Variants in TTLL6 observed in about 807,000 individuals in gnomAD.
The protein encoded by TTLL6 is tubulin tyrosine ligase like 6, also known as tubulin polyglutamylase TTLL6.
Under a neutral mutation model 96.4 loss-of-function variants are expected in TTLL6, and 75 were observed. That is an observed-to-expected ratio of 0.78 (90% confidence interval 0.65 to 0.94). TTLL6 has a LOEUF of 0.94. TTLL6 is among the 40% of genes least tolerant of loss of function. TTLL6 has a pLI of 0.00. For missense variants in TTLL6, 1,030 were observed against 1,093.0 expected (o/e 0.94, Z 0.81); for synonymous variants, 411 against 419.4 (o/e 0.98, Z 0.24).
chr17:48,763,678 A>C (rs1378082652), intron 15 of TTLL6, among the ~76,000 whole-genome samples: 1 of 152,182 alleles, frequency 6.6e-6, no homozygotes, highest in Admixed American at 6.6e-5. Flanking sequence ...GCACACCTGC[A>C]GTCTCAGCTA....
chr17:48,772,527 C>T (rs2038768362), intron 13 of TTLL6, among the ~76,000 whole-genome samples: 1 of 151,902 alleles, frequency 6.6e-6, no homozygotes, highest in South Asian at 2.1e-4. Context: ...GTCAAGAGAT[C>T]GAGACCATCC....
chr17:48,809,222 T>C (rs1006534640), intron 1 of TTLL6, among the ~76,000 whole-genome samples: 1 of 152,154 alleles, frequency 6.6e-6, no homozygotes, highest in African/African-American at 2.4e-5. Context: ...GAGGAAGAGA[T>C]GTGCTCAGGA....
intron 1 of TTLL6, among the ~76,000 whole-genome samples, chr17:48,814,519 A>G (rs2039638602): frequency 6.6e-6 from 1 of 152,098 alleles, no homozygotes; most frequent in African/African-American, 2.4e-5. Context: ...CCATTTTAGT[A>G]TAGGGTTTGA....
chr17:48,805,404 A>G (rs892918954), intron 1 of TTLL6, among the ~76,000 whole-genome samples: 10 of 152,166 alleles, frequency 6.6e-5, no homozygotes, highest in East Asian at 1.9e-4. Context: ...CTGTTTCAGC[A>G]CTGCACTGAA....
At position 48,764,362 on chromosome 17, in the gene TTLL6, G is replaced by A. The variant is rs547872745; in HGVS notation, c.*1-1389C>T. ...AGTTCATGGCCAGATGGTAGAGAAG[G>A]AAACATAGAGCTGTTTGTCCAGTCC... On this transcript the variant is annotated intron_variant, in intron 15 of 15. Coordinates refer to ENST00000393382, the MANE Select transcript of TTLL6 (RefSeq NM_001130918.3). Among the ~76,000 whole-genome samples the A allele has an allele frequency of 1.1e-4, 17 of 152,334 alleles. No individual in the cohort carries two copies. The East Asian group carries it at 2.5e-3, about 22-fold the overall frequency.
rs183722420 is a variant in TTLL6, at chr17:48,788,131, C to T, written c.1401-132G>A. The T allele has an allele frequency of 2.7e-4, 215 of 785,880 alleles. 1 individual carries two copies. In the East Asian group the frequency reaches 5.0e-3, roughly 18 times the overall value. 48.7% of individuals were successfully genotyped at this position (785,880 alleles called of 1,614,324 possible). A position where few individuals can be genotyped will look rare whatever the true frequency, so the allele number is the denominator to read the frequency against. ...CATAATGGCGGTCAATCAGGATTTGCTAAATAAATGCATGACTGTTTCCCT... is the reference window on the plus strand; with the variant it reads ...CATAATGGCGGTCAATCAGGATTTGTTAAATAAATGCATGACTGTTTCCCT... On this transcript the variant is annotated intron_variant, in intron 10 of 15. Coordinates refer to ENST00000393382, the MANE Select transcript of TTLL6 (RefSeq NM_001130918.3).
intron 1 of TTLL6, among the ~76,000 whole-genome samples, chr17:48,813,262 A>C (rs1170515767): frequency 6.6e-6 from 1 of 152,172 alleles, no homozygotes; most frequent in East Asian, 1.9e-4. Context: ...TAGTCTCTTA[A>C]GAGTCAGTTG....
At chr17:48,779,638 C>T (rs1277823845) in intron 13 of TTLL6, among the ~76,000 whole-genome samples, 1 of 151,976 alleles carries the variant, frequency 6.6e-6, no homozygotes, top group Admixed American at 6.6e-5. Context: ...AAATAAACAA[C>T]CAAACAAACA....
Position 48,817,015 on chromosome 17 carries a change from A to G in TTLL6, c.58T>C (p.Trp20Arg), listed in dbSNP as rs3959442. Residue 20 changes from tryptophan to arginine, a missense_variant, in exon 1 of 16, where the codon TGG (tryptophan) becomes CGG (arginine). Trp to Arg is a moderately radical substitution (Grantham distance 101, BLOSUM62 -3). Transcript: ENST00000393382. The stretch of plus-strand genomic sequence containing the variant: ...TCTCGCCCCGCTGGGCTGCTAGTCC[A>G]GCTTGCAACCACACCTGCCGGCCCC... ...RRGPAGVVAS[W>R]TSSPAGRDGG... is the part of the protein sequence containing the mutation. 1 of 1,543,284 alleles carries G rather than the reference A, an allele frequency of 6.5e-7. No individual in the cohort carries two copies. The highest frequency in any genetic ancestry group is 8.7e-7 in the Non-Finnish European group (1 of 1,145,450).
intron 8 of TTLL6, 132 bp from the exon 9 acceptor site, chr17:48,791,735 A>C: frequency 1.4e-6 from 1 of 713,266 alleles, no homozygotes; most frequent in South Asian, 1.9e-5. Flanking sequence ...CCCAGGAACC[A>C]GGGTGACACC....
chr17:48,771,171 C>A (rs531853803), intron 13 of TTLL6, among the ~76,000 whole-genome samples: 1 of 152,090 alleles, frequency 6.6e-6, no homozygotes, highest in Admixed American at 6.5e-5. Flanking sequence ...TGCAGTTTGG[C>A]GTGACTGATA....
intron 13 of TTLL6, among the ~76,000 whole-genome samples, chr17:48,774,818 A>G (rs910514515): frequency 3.7e-4 from 56 of 152,304 alleles, no homozygotes; most frequent in African/African-American, 1.3e-3. Context: ...GGAGAATTCT[A>G]TCCAAATATT....
chr17:48,784,872 C>T (rs1005058681), intron 13 of TTLL6, 51 bp downstream of exon 13: 13 of 1,511,560 alleles, frequency 8.6e-6, no homozygotes, highest in Non-Finnish European at 1.2e-5. Flanking sequence ...GAGAAAGGAC[C>T]AGTAAGCAAG....
chr17:48,800,815 G>T (rs2039396754), intron 5 of TTLL6, among the ~76,000 whole-genome samples: 1 of 152,194 alleles, frequency 6.6e-6, no homozygotes, highest in Non-Finnish European at 1.5e-5. Context: ...AAAGAGAGCA[G>T]AGAAGGGGAA....
chr17:48,806,805 C>T (rs1277231723), intron 1 of TTLL6, among the ~76,000 whole-genome samples: 2 of 151,894 alleles, frequency 1.3e-5, no homozygotes, highest in African/African-American at 4.8e-5. Flanking sequence ...CTGAGGCAGG[C>T]AGATCACTTG....
At chr17:48,772,558 C>T (rs941216201) in intron 13 of TTLL6, among the ~76,000 whole-genome samples, 48 of 151,836 alleles carry the variant, frequency 3.2e-4, no homozygotes, top group Admixed American at 1.9e-3. Context: ...GGTGAAACCC[C>T]GTCTCTACCA....
chr17:48,765,257 T>C (rs914175630), intron 15 of TTLL6, among the ~76,000 whole-genome samples: 1 of 152,006 alleles, frequency 6.6e-6, no homozygotes, highest in African/African-American at 2.4e-5. Context: ...AAAAATACTT[T>C]TTAAATTAGC....
chr17:48,816,685 GCTGGTGTCTAAGCGACAGCTC>G (rs1372377644), intron 1 of TTLL6, among the ~76,000 whole-genome samples: 3 of 152,172 alleles, frequency 2.0e-5, no homozygotes, highest in Non-Finnish European at 4.4e-5. Flanking sequence ...CCCAGGGATC[GCTGGTGTCTAAGCGACAGCTC>G]CTTGGTGGAC....
At chr17:48,763,047 C>G (rs2038520705) in intron 15 of TTLL6, 74 bp from the exon 16 acceptor site, 1 of 402,298 alleles carries the variant, frequency 2.5e-6, no homozygotes. Context: ...ATGAACTCAT[C>G]ATCACCATTC....
Sources: gnomAD v4.1 joint callset for allele counts (sites outside exome capture counted in the v4.1 genomes callset) on GRCh38, gnomAD v4.1.1 for gene constraint, MANE v1.5 for transcripts, NCBI Gene and HGNC (gene_info 2026-07-23, HGNC 2026-07-21) for gene names.